Variants in FGF14 observed in about 807,000 individuals in gnomAD.
FGF14 encodes fibroblast growth factor 14.
A neutral mutation model predicts 25.5 loss-of-function variants in FGF14; 5 were observed. That is an observed-to-expected ratio of 0.20 (90% confidence interval 0.10 to 0.41). The LOEUF (loss-of-function observed/expected upper bound fraction) is 0.41. FGF14 is among the 10% of genes least tolerant of loss of function. The pLI is 1.00. For synonymous variants in FGF14, 138 were observed against 118.3 expected, an observed-to-expected ratio of 1.17 and a Z score of -1.08; for missense variants, 222 against 320.1, an observed-to-expected ratio of 0.69 and a Z score of 2.34.
chr13:101,993,204 A>G (rs78251137), intron 1 of FGF14, among the ~76,000 whole-genome samples: 1 of 146,036 alleles, frequency 6.8e-6, no homozygotes, highest in Non-Finnish European at 1.5e-5. Flanking sequence ...AAAAAAAAAA[A>G]CCCACACAAA....
chr13:102,223,464 AT>A lies in FGF14; in HGVS notation c.208+178006del, dbSNP rs368875306. Among the ~76,000 whole-genome samples the A allele has an allele frequency of 4.5e-4, 69 of 152,294 alleles. 1 individual carries two copies. In the East Asian group the frequency reaches 0.012, roughly 26 times the overall value. ...CTCTTGTCAGCTTTGTGGTTTAAAT[AT>A]TATTTAAGAAGGACTAGAATTTTGT... On this transcript the variant is annotated intron_variant, in intron 1 of 4. Coordinates refer to the FGF14 transcript ENST00000376131.
At chr13:101,740,065 C>G (rs2036441410) in intron 3 of FGF14, among the ~76,000 whole-genome samples, 1 of 152,180 alleles carries the variant, frequency 6.6e-6, no homozygotes, top group Non-Finnish European at 1.5e-5. Flanking sequence ...TCACGTATCC[C>G]CTAGATTGCT....
chr13:102,023,005 A>T (rs2040741911), intron 1 of FGF14, among the ~76,000 whole-genome samples: 1 of 151,612 alleles, frequency 6.6e-6, no homozygotes, highest in Non-Finnish European at 1.5e-5. Flanking sequence ...ATTTACAGTC[A>T]ATTAGGAAAA....
intron 1 of FGF14, among the ~76,000 whole-genome samples, chr13:102,282,779 C>T (rs2053909234): frequency 6.6e-6 from 1 of 151,180 alleles, no homozygotes; most frequent in Non-Finnish European, 1.5e-5. Flanking sequence ...TTAGGTCACA[C>T]TATTTTCACT....
chr13:102,260,045 C>T (rs1353517454), intron 1 of FGF14, among the ~76,000 whole-genome samples: 1 of 151,996 alleles, frequency 6.6e-6, no homozygotes. Flanking sequence ...ACTAGCGAAG[C>T]CCTTGATCTT....
intron 1 of FGF14, among the ~76,000 whole-genome samples, chr13:102,018,538 A>C (rs1338468348): frequency 6.6e-6 from 1 of 152,038 alleles, no homozygotes; most frequent in Non-Finnish European, 1.5e-5. Flanking sequence ...GTTGAGTCTT[A>C]TTCCTTACAG....
intron 1 of FGF14, among the ~76,000 whole-genome samples, chr13:102,106,771 T>G (rs1466906237): frequency 6.6e-6 from 1 of 152,232 alleles, no homozygotes; most frequent in African/African-American, 2.4e-5. Flanking sequence ...GAAGGCTGGT[T>G]AAGAGAAAAT....
intron 1 of FGF14, among the ~76,000 whole-genome samples, chr13:102,375,534 T>C (rs1320177485): frequency 2.0e-5 from 3 of 152,168 alleles, no homozygotes; most frequent in Admixed American, 6.6e-5. Context: ...TTTAAAATCA[T>C]ACATATAAAA....
At chr13:101,843,812 T>C (rs9582529) in intron 3 of FGF14, among the ~76,000 whole-genome samples, 17,611 of 151,910 alleles carry the variant, frequency 0.12, 1,409 homozygotes, top group African/African-American at 0.23. Flanking sequence ...GGTGAGCATA[T>C]TGAAAGACAG....
At chr13:102,120,052 A>G (rs184750310) in intron 1 of FGF14, among the ~76,000 whole-genome samples, 80 of 152,240 alleles carry the variant, frequency 5.3e-4, no homozygotes, top group Middle Eastern at 3.4e-3. Flanking sequence ...ACACCTCCTC[A>G]GAGCTCTTGA....
intron 1 of FGF14, among the ~76,000 whole-genome samples, chr13:102,242,132 C>T (rs928593148): frequency 1.3e-5 from 2 of 152,054 alleles, no homozygotes; most frequent in African/African-American, 4.8e-5. Context: ...AAATGAAATA[C>T]ATGTAAAATA....
intron 1 of FGF14, among the ~76,000 whole-genome samples, chr13:102,012,319 G>C (rs965922350): frequency 1.1e-4 from 16 of 152,164 alleles, no homozygotes; most frequent in African/African-American, 3.9e-4. Context: ...TCCTGTGCTT[G>C]AGTCTGGAAA....
intron 1 of FGF14, among the ~76,000 whole-genome samples, chr13:102,341,764 G>C (rs2056959443): frequency 6.6e-6 from 1 of 152,144 alleles, no homozygotes; most frequent in Non-Finnish European, 1.5e-5. Flanking sequence ...AATGATTAAA[G>C]CCATCAAGCA....
At position 102,306,137 on chromosome 13, in the gene FGF14, G is replaced by A. The variant is rs573524372; in HGVS notation, c.208+95334C>T. On this transcript the variant is annotated intron_variant, in intron 1 of 4. Transcript: ENST00000376131. ...CAGAACTGTGTCTATTTATGGCTCT[G>A]CCTCTGGCCCCAAGTTTTGCATCCT... is the stretch of plus-strand genomic sequence containing the variant. Among the ~76,000 whole-genome samples the A allele has an allele frequency of 1.1e-4, 16 of 152,248 alleles. No homozygotes were observed. In the East Asian group the frequency reaches 3.1e-3, roughly 29 times the overall value.
intron 1 of FGF14, among the ~76,000 whole-genome samples, chr13:102,082,568 T>C (rs992188931): frequency 5.9e-5 from 9 of 152,050 alleles, no homozygotes; most frequent in Non-Finnish European, 1.5e-5. Flanking sequence ...AACATGAAAA[T>C]GGGGCCAACA....
intron 1 of FGF14, among the ~76,000 whole-genome samples, chr13:101,905,704 T>A (rs2032157202): frequency 6.6e-6 from 1 of 152,060 alleles, no homozygotes; most frequent in African/African-American, 2.4e-5. Context: ...AGTATAATAA[T>A]AATAATAAAT....
At chr13:102,212,639 T>C (rs983267333) in intron 1 of FGF14, among the ~76,000 whole-genome samples, 3 of 152,186 alleles carry the variant, frequency 2.0e-5, no homozygotes, top group African/African-American at 7.2e-5. Flanking sequence ...GAAATATGCA[T>C]TGAATGAAGA....
At chr13:102,060,587 T>G (rs537933173) in intron 1 of FGF14, among the ~76,000 whole-genome samples, 9 of 152,364 alleles carry the variant, frequency 5.9e-5, no homozygotes, top group Non-Finnish European at 1.2e-4. Context: ...TTCACATTTT[T>G]TGATAGCTAT....
At chr13:102,278,503 G>C (rs2053655555) in intron 1 of FGF14, among the ~76,000 whole-genome samples, 1 of 152,100 alleles carries the variant, frequency 6.6e-6, no homozygotes, top group Admixed American at 6.5e-5. Flanking sequence ...ATTGAACATA[G>C]GTTCAAAATG....
Sources: gnomAD v4.1 joint callset for allele counts (sites outside exome capture counted in the v4.1 genomes callset) on GRCh38, gnomAD v4.1.1 for gene constraint, MANE v1.5 for transcripts, NCBI Gene and HGNC (gene_info 2026-07-23, HGNC 2026-07-21) for gene names.